RFX5: variants seen among roughly 807,000 people sequenced by gnomAD.
RFX5 encodes DNA-binding protein RFX5.
In RFX5, 30 loss-of-function variants were observed where a neutral mutation model predicts 41.2. That is an observed-to-expected ratio of 0.73 (90% CI 0.54 to 0.99). The LOEUF (loss-of-function observed/expected upper bound fraction) is 0.99. Ranked by LOEUF, RFX5 falls within the 50% of genes least tolerant of loss-of-function variation. The probability of loss-of-function intolerance (pLI) is 0.00; values close to 1 mark genes in which losing one functional copy is unlikely to be tolerated. For synonymous variants in RFX5, 231 were observed against 291.8 expected (o/e 0.79, Z 2.12); for missense variants, 715 against 773.6 (o/e 0.92, Z 0.90).
chr1:151,345,867 C>G (rs1370515097), intron 4 of RFX5, 61 bp downstream of exon 4: 67 of 1,609,088 alleles, frequency 4.2e-5, no homozygotes, highest in Non-Finnish European at 5.7e-5. Flanking sequence ...GCCCATCATC[C>G]TCACATCCTC....
chr1:151,344,692 C>T (rs1650842117), intron 6 of RFX5, 36 bp downstream of exon 6: 1 of 1,550,776 alleles, frequency 6.4e-7, no homozygotes, highest in African/African-American at 1.4e-5. Flanking sequence ...CTATGCCCAC[C>T]AATCCACTCA....
At position 151,343,678 on chromosome 1, in the gene RFX5, C is replaced by A. The variant is rs771659809; in HGVS notation, c.757+3G>T. 3 of 1,613,738 alleles carry A rather than the reference C, an allele frequency of 1.9e-6. No homozygotes were observed. Among genetic ancestry groups the A allele is most frequent in the Non-Finnish European group, 2.5e-6 (3 of 1,179,850 alleles). On this transcript the variant is annotated splice_donor_region_variant and intron_variant, in intron 9 of 10. Transcript: ENST00000452671. ...GCTGAGACATAAGAGAGGGTCAACA[C>A]ACCAGCGAGCCCCATGGCCTTAAGC...
chr1:151,342,176 C>G lies in RFX5; in HGVS notation c.*10G>C, dbSNP rs944817073. 3 of 1,614,120 alleles carry G rather than the reference C, an allele frequency of 1.9e-6. No individual in the cohort carries two copies. The highest frequency in any genetic ancestry group is 2.5e-6 in the Non-Finnish European group (3 of 1,180,060). On this transcript the variant is annotated 3_prime_UTR_variant, in exon 11 of 11. Coordinates refer to ENST00000452671, the MANE Select transcript of RFX5 (RefSeq NM_001025603.2). ...GTAGGGATATAAACACTCTTCCCCA[C>G]AGACCTGTATCATGGGGGTGTTGCT...
In RFX5 at chr1:151,342,529, CAT is replaced by C; in HGVS notation, c.1506_1507del (p.Trp503GlyfsTer22). ...TGAGTTGCCTTCCCCTCCTGAGCCCCATGTCTCCCATGGTAACCTTGAGGACT... is the reference window on the plus strand; with the variant it reads ...TGAGTTGCCTTCCCCTCCTGAGCCCCGTCTCCCATGGTAACCTTGAGGACT... On this transcript the variant is annotated frameshift_variant, in exon 11 of 11. Transcript: ENST00000452671. LOFTEE classifies it low-confidence loss of function (END_TRUNC). 6.2e-7 allele frequency: 1 copy of C among 1,614,076 alleles called. No homozygotes were observed. Among genetic ancestry groups the C allele is most frequent in the Non-Finnish European group, 8.5e-7 (1 of 1,179,962 alleles).
chr1:151,345,646 T>G (rs1650966675), intron 4 of RFX5, among the ~76,000 whole-genome samples: 2 of 150,552 alleles, frequency 1.3e-5, no homozygotes, highest in South Asian at 4.2e-4. Context: ...AATTATTTGA[T>G]GCTAGGTGCT....
At chr1:151,346,358 A>G in intron 2 of RFX5, 25 bp from the exon 3 acceptor site, 10 of 1,583,248 alleles carry the variant, frequency 6.3e-6, no homozygotes, top group Non-Finnish European at 8.7e-6. Flanking sequence ...GACAGGCATA[A>G]AGATGTAACT....
Position 151,342,696 on chromosome 1 carries a change from T to C in RFX5, c.1341A>G (p.Pro447=). Residue 447 remains proline (P), a synonymous_variant, in exon 11 of 11, where the codon CCA becomes CCG. Coordinates refer to ENST00000452671, the MANE Select transcript of RFX5 (RefSeq NM_001025603.2). ...PVSEASGQAP[P]AKAAKQDIED... ...CTATATCCTGCTTTGCTGCTTTAGC[T>C]GGTGGAGCCTGCCCACTGGCCTCAC... 1 of 1,614,258 alleles carries C rather than the reference T, an allele frequency of 6.2e-7. No individual in the cohort carries two copies. Among genetic ancestry groups the C allele is most frequent in the Non-Finnish European group, 8.5e-7 (1 of 1,180,054 alleles).
rs536676668 is a variant in RFX5, at chr1:151,342,099, T to C, written c.*87A>G. On this transcript the variant is annotated 3_prime_UTR_variant, in exon 11 of 11. Coordinates refer to ENST00000452671, the MANE Select transcript of RFX5 (RefSeq NM_001025603.2). ...AGAATGGACTTCCTTAGGAAAAGAA[T>C]AGCCAAATGAGAAGCAAGTGCAAAG... The C allele has an allele frequency of 1.9e-6, 3 of 1,583,288 alleles. No individual in the cohort carries two copies. Among genetic ancestry groups the C allele is most frequent in the African/African-American group, 1.3e-5 (1 of 74,236 alleles).
chr1:151,343,651 T>G, intron 9 of RFX5, 30 bp downstream of exon 9: 2 of 1,608,014 alleles, frequency 1.2e-6, no homozygotes, highest in Non-Finnish European at 1.7e-6. Flanking sequence ...TGGCTCAGGG[T>G]TGCTGAGACA....
chr1:151,346,111 T>C (rs1651029177), intron 3 of RFX5, 94 bp downstream of exon 3: 1 of 1,551,732 alleles, frequency 6.4e-7, no homozygotes, highest in Admixed American at 1.7e-5. Flanking sequence ...CCCATGCCCT[T>C]GCTGAGAGGC....
Position 151,345,203 on chromosome 1 carries a change from A to T in RFX5, c.151-15T>A, listed in dbSNP as rs751870433. 1.9e-6 allele frequency: 3 copies of T among 1,606,648 alleles called. No individual in the cohort carries two copies. The highest frequency in any genetic ancestry group is 2.6e-6 in the Non-Finnish European group (3 of 1,173,410). ...TGTACATCTTGCTGAGGTAGGAGAG[A>T]ACAGAGGCAGGAGAAATAATAAGGC... On this transcript the variant is annotated splice_polypyrimidine_tract_variant and intron_variant, in intron 4 of 10. Transcript: ENST00000452671.
At chr1:151,344,978 C>G (rs1650876627) in intron 5 of RFX5, 128 bp downstream of exon 5, 6 of 1,566,600 alleles carry the variant, frequency 3.8e-6, no homozygotes, top group Non-Finnish European at 5.3e-6. Context: ...TAAACCAAGT[C>G]AGGGCGAGGA....
chr1:151,345,950 T>C lies in RFX5; in HGVS notation c.128A>G (p.Gln43Arg), dbSNP rs1201976684. The change falls in exon 4 of 11, where the codon CAG becomes CGG. Residue 43 changes from glutamine to arginine, a missense_variant. Gln to Arg is a conservative substitution (Grantham distance 43, BLOSUM62 1). Transcript: ENST00000452671. ...TACCAGGATCCCCTCTACTTTGTTC[T>C]GCACGGCCTTGCTGTGGGGAAGAGG... is the stretch of plus-strand genomic sequence containing the variant. ...RLRGTISKAVQNKVEGILQDV... is the reference protein window; with the variant it reads ...RLRGTISKAVRNKVEGILQDV... 1 of 1,614,214 alleles carries C rather than the reference T, an allele frequency of 6.2e-7. No homozygotes were observed. The highest frequency in any genetic ancestry group is 1.3e-5 in the African/African-American group (1 of 75,058).
intron 6 of RFX5, 24 bp downstream of exon 6, chr1:151,344,704 C>T: frequency 7.3e-7 from 1 of 1,363,748 alleles, no homozygotes; most frequent in Non-Finnish European, 1.0e-6. Flanking sequence ...ATCCACTCAT[C>T]CCACCACCCA....
In RFX5 at chr1:151,342,914, G is replaced by C. The variant is rs1458282103; in HGVS notation, c.1123C>G (p.Pro375Ala). 1 of 1,614,050 alleles carries C rather than the reference G, an allele frequency of 6.2e-7. No individual in the cohort carries two copies. Among genetic ancestry groups the C allele is most frequent in the African/African-American group, 1.3e-5 (1 of 74,930 alleles). The change falls in exon 11 of 11, where the codon CCA becomes GCA. Residue 375 changes from proline to alanine, a missense_variant. Physicochemically the swap from Pro to Ala is conservative, Grantham distance 27 (BLOSUM62 -1). Coordinates refer to ENST00000452671, the MANE Select transcript of RFX5 (RefSeq NM_001025603.2). ...ATGTTAATGATGGGCACAGCTGCTGGGGGTGCCCCGGCCCTACTAGACAGA... is the reference window on the plus strand; with the variant it reads ...ATGTTAATGATGGGCACAGCTGCTGCGGGTGCCCCGGCCCTACTAGACAGA... ...LPLSSRAGAPPAAVPIINMIL... is the reference protein window; with the variant it reads ...LPLSSRAGAPAAAVPIINMIL...
Position 151,340,928 on chromosome 1 carries a change from T to C in RFX5, c.*1258A>G, listed in dbSNP as rs1224875522. 6.6e-6 allele frequency: 1 copy of C among 152,632 alleles called. No homozygotes were observed. The highest frequency in any genetic ancestry group is 1.9e-4 in the East Asian group (1 of 5,200). 9.5% of individuals were successfully genotyped at this position (152,632 alleles called of 1,614,324 possible). A position where few individuals can be genotyped will look rare whatever the true frequency, so the allele number is the denominator to read the frequency against. On this transcript the variant is annotated 3_prime_UTR_variant, in exon 11 of 11. Transcript: ENST00000452671. ...GTTTACTGCTTTTCCCAAGGATACA[T>C]CTGGAGGGTCTGCATTCCTTTCTCA...
At position 151,343,053 on chromosome 1, in the gene RFX5, C is replaced by T. The variant is rs374283593; in HGVS notation, c.984G>A (p.Arg328=). The change falls in exon 11 of 11, where the codon CGG becomes CGA. Residue 328 remains arginine, a synonymous_variant. Transcript: ENST00000452671. ...NNLQVNALVA[R]LPLLLPRAPR... ...GGGCCCGGGGAAGGAGCAGAGGCAG[C>T]CGAGCCACTAGGGCATTAACCTGCA... 7.7e-4 allele frequency: 1,249 copies of T among 1,612,668 alleles called. 19 individuals carry two copies. In the South Asian group the frequency reaches 0.013, roughly 17 times the overall value.
intron 2 of RFX5, 55 bp from the exon 3 acceptor site, chr1:151,346,388 C>G: frequency 1.5e-6 from 2 of 1,348,438 alleles, no homozygotes; most frequent in South Asian, 2.4e-5. Context: ...CTTCCCTTCC[C>G]CAGAAGGCCC....
At chr1:151,344,973 C>G in intron 5 of RFX5, 126 bp from the exon 6 acceptor site, 1 of 1,569,902 alleles carries the variant, frequency 6.4e-7, no homozygotes, top group African/African-American at 1.3e-5. Flanking sequence ...CCTGGTAAAC[C>G]AAGTCAGGGC....
Sources: allele counts gnomAD v4.1 joint callset (sites outside exome capture counted in the v4.1 genomes callset), GRCh38; gene constraint gnomAD v4.1.1; transcripts MANE v1.5; gene names NCBI Gene and HGNC (gene_info 2026-07-23, HGNC 2026-07-21).